The following SAG variants were observed in gnomAD, a reference collection of about 807,000 sequenced individuals.
The protein encoded by SAG is S-antigen visual arrestin, also known as S-arrestin.
A neutral mutation model predicts 55.0 loss-of-function variants in SAG; 45 were observed. The observed-to-expected ratio is 0.82, with a 90% CI of 0.64 to 1.05. The LOEUF is 1.05. Among genes scored for constraint, SAG ranks in the 50% least tolerant of loss-of-function variants. The pLI is 0.00. For missense variants in SAG, 455 were observed against 512.1 expected, an observed-to-expected ratio of 0.89 and a Z score of 1.08; for synonymous variants, 189 against 197.4, an observed-to-expected ratio of 0.96 and a Z score of 0.36.
At chr2:233,320,200 C>A (rs1700336411) in intron 4 of SAG, among the ~76,000 whole-genome samples, 1 of 152,238 alleles carries the variant, frequency 6.6e-6, no homozygotes, top group African/African-American at 2.4e-5. Context: ...TGGCCCACAT[C>A]TGCTTTGCTG....
At chr2:233,317,627 A>G (rs182284520) in intron 3 of SAG, among the ~76,000 whole-genome samples, 2 of 152,342 alleles carry the variant, frequency 1.3e-5, no homozygotes, top group East Asian at 3.9e-4. Context: ...AAAGTCATGG[A>G]GAGATATAAA....
intron 6 of SAG, 97 bp downstream of exon 6, chr2:233,323,102 AT>A: frequency 1.3e-6 from 1 of 786,650 alleles, no homozygotes; most frequent in South Asian, 1.6e-5. Flanking sequence ...TCTGTCACCA[AT>A]GCTGGGGTGC....
intron 8 of SAG, 165 bp from the exon 9 acceptor site, chr2:233,329,328 T>A (rs1700674551): frequency 8.3e-6 from 5 of 604,936 alleles, no homozygotes; most frequent in Non-Finnish European, 1.5e-5. Flanking sequence ...GTGGAATGTG[T>A]TTCAGGCCCT....
In SAG at chr2:233,309,220, G is replaced by C; in HGVS notation, c.31G>C (p.Glu11Gln). MAASGKTSKS[E>Q]PNHVIFKKIS... ...AGCCAGCGGGAAGACCAGCAAGTCC[G>C]AACCGAACCATGTTATCTTCAAGAA... is the stretch of plus-strand genomic sequence containing the variant. The change falls in exon 2 of 16, where the codon GAA becomes CAA. Residue 11 changes from glutamate (E) to glutamine (Q), a missense_variant. By Grantham distance (29) the Glu-to-Gln change is conservative. Coordinates refer to ENST00000409110, the MANE Select transcript of SAG (RefSeq NM_000541.5). 6.2e-7 allele frequency: 1 copy of C among 1,613,778 alleles called. No individual in the cohort carries two copies. Among genetic ancestry groups the C allele is most frequent in the Non-Finnish European group, 8.5e-7 (1 of 1,179,784 alleles).
chr2:233,322,923 T>C (rs1191352105), intron 5 of SAG, 23 bp from the exon 6 acceptor site: 22 of 1,441,784 alleles, frequency 1.5e-5, no homozygotes, highest in Non-Finnish European at 2.1e-5. Flanking sequence ...AATAAATGAT[T>C]TTTTATTTGT....
chr2:233,330,809 G>T (rs758371807), intron 9 of SAG, among the ~76,000 whole-genome samples: 1 of 152,054 alleles, frequency 6.6e-6, no homozygotes, highest in African/African-American at 2.4e-5. Context: ...TGGGATTACC[G>T]GTGTGAGCCA....
Position 233,319,436 on chromosome 2 carries a change from T to G in SAG, c.181+641T>G, listed in dbSNP as rs572059205. 9.6e-5 allele frequency: 34 copies of G among 353,286 alleles called. No individual in the cohort carries two copies. The highest frequency in any genetic ancestry group is 7.4e-4 in the African/African-American group (33 of 44,872). 21.9% of individuals were successfully genotyped at this position (353,286 alleles called of 1,614,324 possible). A position where few individuals can be genotyped will look rare whatever the true frequency, so the allele number is the denominator to read the frequency against. ...ACTAATAACAGTTGCATAAACCAAA[T>G]TAGAACAGATTCCAGCTATCCTTGT... On this transcript the variant is annotated intron_variant, in intron 4 of 15. Coordinates refer to ENST00000409110, the MANE Select transcript of SAG (RefSeq NM_000541.5). The surrounding 1 kb of genome is among the most constrained non-coding windows in gnomAD (Gnocchi z 4.4).
At chr2:233,318,866 G>A in intron 4 of SAG, 71 bp downstream of exon 4, 1 of 1,348,146 alleles carries the variant, frequency 7.4e-7, no homozygotes, top group Admixed American at 1.7e-5. Flanking sequence ...GCTCTGGGAA[G>A]GGGCATTTAC....
chr2:233,338,520 A>C (rs1410752982), intron 11 of SAG, 156 bp from the exon 12 acceptor site: 1 of 663,622 alleles, frequency 1.5e-6, no homozygotes, highest in South Asian at 1.8e-5. Flanking sequence ...CCACTCCCCA[A>C]GTACATGAAC....
Position 233,346,377 on chromosome 2 carries a change from G to A in SAG, c.1103-26G>A, listed in dbSNP as rs200521767. The A allele has an allele frequency of 6.0e-4, 968 of 1,612,548 alleles. 14 individuals carry two copies. Among genetic ancestry groups the A allele is most frequent in the Non-Finnish European group, 4.8e-5 (56 of 1,178,712 alleles). On this transcript the variant is annotated intron_variant, in intron 14 of 15. Transcript: ENST00000409110. ...AAATGTCTCTCTCTCCCTCTTCCCT[G>A]CCTCCCTTTTATTCCATGCTTACAG...
At chr2:233,333,115 G>C (rs1263341272) in intron 10 of SAG, 3 of 152,256 alleles carry the variant, frequency 2.0e-5, no homozygotes, top group Non-Finnish European at 4.4e-5. Context: ...ATATTTAAAA[G>C]GCAACTTTAG....
At chr2:233,337,527 C>G (rs1403752832) in intron 11 of SAG, among the ~76,000 whole-genome samples, 2 of 152,190 alleles carry the variant, frequency 1.3e-5, no homozygotes, top group Non-Finnish European at 2.9e-5. Flanking sequence ...GTGTGAGCCA[C>G]GACGTCTGGC....
intron 11 of SAG, among the ~76,000 whole-genome samples, chr2:233,337,190 G>A (rs891737345): frequency 6.6e-6 from 1 of 151,536 alleles, no homozygotes; most frequent in African/African-American, 2.4e-5. Context: ...CCAGGTACTT[G>A]GCCATACTCC....
At chr2:233,330,954 G>A (rs919415092) in intron 9 of SAG, among the ~76,000 whole-genome samples, 2 of 151,818 alleles carry the variant, frequency 1.3e-5, no homozygotes, top group African/African-American at 4.8e-5. Flanking sequence ...GTTCACGCCT[G>A]TAATCCCAGT....
intron 2 of SAG, among the ~76,000 whole-genome samples, chr2:233,310,829 C>T (rs991391995): frequency 1.3e-5 from 2 of 152,216 alleles, no homozygotes; most frequent in Non-Finnish European, 1.5e-5. Context: ...CTTCTGAACC[C>T]GGTATGGGGT....
chr2:233,338,714 T>C lies in SAG; in HGVS notation c.983T>C (p.Leu328Pro). The C allele has an allele frequency of 6.2e-7, 1 of 1,614,004 alleles. No individual in the cohort carries two copies. Among genetic ancestry groups the C allele is most frequent in the Non-Finnish European group, 8.5e-7 (1 of 1,179,878 alleles). The change falls in exon 12 of 16, where the codon CTG becomes CCG. Residue 328 changes from leucine to proline, a missense_variant. Transcript: ENST00000409110. ...EGIDRTVLGI[L>P]VSYQIKVKLT... is the part of the protein sequence containing the mutation. ...ATAGACCGGACCGTCCTGGGAATCCTGGTGTCTTACCAGATCAAGGTGAAG... is the reference window on the plus strand; with the variant it reads ...ATAGACCGGACCGTCCTGGGAATCCCGGTGTCTTACCAGATCAAGGTGAAG...
intron 3 of SAG, among the ~76,000 whole-genome samples, chr2:233,317,247 G>A (rs922501461): frequency 6.6e-5 from 10 of 152,210 alleles, no homozygotes; most frequent in Non-Finnish European, 7.4e-5. Context: ...ATGAAAACTT[G>A]TGTCCTCACA....
intron 14 of SAG, chr2:233,346,043 C>G (rs1282304217): frequency 6.4e-6 from 1 of 156,112 alleles, no homozygotes; most frequent in Non-Finnish European, 1.4e-5. Flanking sequence ...ATCCCAGCTA[C>G]TTGGGAGCCT....
chr2:233,316,189 C>G, intron 3 of SAG, 54 bp downstream of exon 3: 2 of 1,032,626 alleles, frequency 1.9e-6, no homozygotes, highest in Non-Finnish European at 3.0e-6. Flanking sequence ...TCACAGATAA[C>G]CGCTCACTTT....
Sources: gnomAD v4.1 joint callset for allele counts (sites outside exome capture counted in the v4.1 genomes callset) on GRCh38, gnomAD v4.1.1 for gene constraint, Gnocchi (gnomAD v3.1) non-coding constraint, MANE v1.5 for transcripts, NCBI Gene and HGNC (gene_info 2026-07-23, HGNC 2026-07-21) for gene names.